The following AKAP10 variants were observed in gnomAD, a reference collection of about 807,000 sequenced individuals.
AKAP10 encodes the protein A-kinase anchor protein 10, mitochondrial.
AKAP10 carries 24 observed loss-of-function variants against 80.8 expected under a neutral mutation model. That is an observed-to-expected ratio of 0.30 (90% CI 0.22 to 0.42). AKAP10 has a LOEUF of 0.42. Ranked by LOEUF, AKAP10 falls within the 10% of genes least tolerant of loss-of-function variation. The probability of loss-of-function intolerance (pLI) is 1.00; values close to 1 mark genes in which losing one functional copy is unlikely to be tolerated. For synonymous variants in AKAP10, 291 were observed against 277.7 expected, an observed-to-expected ratio of 1.05 and a Z score of -0.48; for missense variants, 661 against 794.9, an observed-to-expected ratio of 0.83 and a Z score of 2.03.
chr17:19,973,298 G>A (rs1298749623), intron 1 of AKAP10, among the ~76,000 whole-genome samples: 1 of 152,174 alleles, frequency 6.6e-6, no homozygotes, highest in African/African-American at 2.4e-5. Flanking sequence ...AAGTTTTATC[G>A]TAGCACAGCC....
intron 7 of AKAP10, 70 bp downstream of exon 7, chr17:19,940,813 TAGAC>T: frequency 6.8e-7 from 1 of 1,470,726 alleles, no homozygotes; most frequent in East Asian, 2.4e-5. Flanking sequence ...TTATTTCCTA[TAGAC>T]AGGGCCCCAG....
intron 4 of AKAP10, among the ~76,000 whole-genome samples, chr17:19,954,680 A>G (rs1215712007): frequency 6.7e-6 from 1 of 148,726 alleles, no homozygotes; most frequent in African/African-American, 2.5e-5. Context: ...TTTTTAGTAG[A>G]GATGGGGTTT....
intron 10 of AKAP10, among the ~76,000 whole-genome samples, chr17:19,926,276 TAAAAA>T (rs754551841): frequency 7.5e-6 from 1 of 132,656 alleles, no homozygotes; most frequent in Admixed American, 7.7e-5. Context: ...TTTCATGATT[TAAAAA>T]AAAAAAAAAG....
At position 19,958,147 on chromosome 17, in the gene AKAP10, G is replaced by T; in HGVS notation, c.744C>A (p.Leu248=). ...LSQECDSAHS[L]RLEMARAGTH... ...TTCCTGCTCTGGCCATTTCAAGACG[G>T]AGAGAATGGGCACTGTCACATTCCT... The change falls in exon 4 of 15, where the codon CTC becomes CTA. Residue 248 remains leucine (L), a synonymous_variant. Coordinates refer to ENST00000225737, the MANE Select transcript of AKAP10 (RefSeq NM_007202.4). 6.2e-7 allele frequency: 1 copy of T among 1,614,126 alleles called. No individual in the cohort carries two copies.
rs533883761 is a variant in AKAP10 at position 19,946,989 on chromosome 17, G to A, written c.976+418C>T. Reference sequence around the variant, plus strand: ...TGCCCACTGGTCGTGAGACTCTTGGGCTGCAGCCCTGATGCCTAGAGACTT... The same window carrying A: ...TGCCCACTGGTCGTGAGACTCTTGGACTGCAGCCCTGATGCCTAGAGACTT... On this transcript the variant is annotated intron_variant, in intron 5 of 14. Transcript: ENST00000225737. Among the ~76,000 whole-genome samples, 10 of 152,290 alleles carry A rather than the reference G, an allele frequency of 6.6e-5. No homozygotes were observed. In the South Asian group the frequency reaches 1.9e-3, roughly 28 times the overall value.
chr17:19,931,146 A>G (rs555243486), intron 10 of AKAP10, among the ~76,000 whole-genome samples: 91 of 152,304 alleles, frequency 6.0e-4, no homozygotes, highest in African/African-American at 2.1e-3. Flanking sequence ...GAAAAGAAAA[A>G]AAAAGGAGAC....
At chr17:19,964,282 T>G (rs972590156) in intron 2 of AKAP10, among the ~76,000 whole-genome samples, 3 of 152,292 alleles carry the variant, frequency 2.0e-5, no homozygotes, top group Admixed American at 1.3e-4. Context: ...CGGTCCCTCT[T>G]AACATCTCTC....
chr17:19,910,086 G>A, intron 12 of AKAP10, 108 bp from the exon 13 acceptor site: 1 of 1,035,064 alleles, frequency 9.7e-7, no homozygotes, highest in African/African-American at 1.6e-5. Flanking sequence ...CCAGCACTTT[G>A]GGAGGCCGAG....
At chr17:19,949,834 T>A (rs185880437) in intron 4 of AKAP10, among the ~76,000 whole-genome samples, 2 of 152,132 alleles carry the variant, frequency 1.3e-5, no homozygotes, top group Admixed American at 1.3e-4. Flanking sequence ...CTTTTCTCTC[T>A]CTTTTTTAAC....
rs761876909 is a variant in AKAP10, at chr17:19,931,888, C to T, written c.1558G>A (p.Gly520Arg). Residue 520 changes from glycine to arginine, a missense_variant, in exon 10 of 15, where the codon GGG (glycine) becomes AGG (arginine). Coordinates refer to ENST00000225737, the MANE Select transcript of AKAP10 (RefSeq NM_007202.4). Reference sequence around the variant, plus strand: ...CCAGGAGCAGTCAGCGACACGTTCCCGCCCAGAAATTCATCTCCTCGAACC... The same window carrying T: ...CCAGGAGCAGTCAGCGACACGTTCCTGCCCAGAAATTCATCTCCTCGAACC... ...HSVRGDEFLG[G>R]NVSLTAPGSV... is the part of the protein sequence containing the mutation. 1.9e-6 allele frequency: 3 copies of T among 1,614,080 alleles called. No individual in the cohort carries two copies. Among genetic ancestry groups the T allele is most frequent in the East Asian group, 2.2e-5 (1 of 44,876 alleles).
intron 5 of AKAP10, among the ~76,000 whole-genome samples, chr17:19,946,714 G>T (rs916051718): frequency 5.2e-5 from 7 of 134,374 alleles, no homozygotes; most frequent in Admixed American, 8.1e-5. Context: ...GAAGAATAAA[G>T]TTACGTGAAA....
rs1199906497 is a variant in AKAP10 at position 19,904,618 on chromosome 17, T to G, written c.*1609A>C. 2 of 152,206 alleles carry G rather than the reference T, an allele frequency of 1.3e-5. No homozygotes were observed. Among genetic ancestry groups the G allele is most frequent in the African/African-American group, 4.8e-5 (2 of 41,448 alleles). The allele number at this position is 152,206 out of a possible 1,614,324, so 9.4% of individuals were successfully genotyped here. ...AGATGACTAATAAAAACCTTGGGTT[T>G]ATGCCATACACTTCAAACACAAGGC... On this transcript the variant is annotated 3_prime_UTR_variant, in exon 15 of 15. Coordinates refer to ENST00000225737, the MANE Select transcript of AKAP10 (RefSeq NM_007202.4).
chr17:19,928,837 T>G (rs1447566714), intron 10 of AKAP10, among the ~76,000 whole-genome samples: 2 of 152,102 alleles, frequency 1.3e-5, no homozygotes, highest in African/African-American at 4.8e-5. Context: ...GCCACTGCAC[T>G]CCAGCCTGGG....
At chr17:19,955,937 G>C (rs2043270441) in intron 4 of AKAP10, among the ~76,000 whole-genome samples, 1 of 152,120 alleles carries the variant, frequency 6.6e-6, no homozygotes. Flanking sequence ...TTTTAAAAAG[G>C]TGAGTTTGTG....
intron 1 of AKAP10, among the ~76,000 whole-genome samples, chr17:19,976,333 A>G (rs2043566148): frequency 1.3e-5 from 2 of 151,858 alleles, no homozygotes; most frequent in African/African-American, 4.8e-5. Flanking sequence ...AAATACAAAA[A>G]TTAGCCGGGC....
At position 19,956,371 on chromosome 17, in the gene AKAP10, C is replaced by CA. The variant is rs561433533; in HGVS notation, c.877+1642dup. On this transcript the variant is annotated intron_variant, in intron 4 of 14. Transcript: ENST00000225737. ...AATCACTAAAATCACAAGCCACCAA[C>CA]AGTCTGAATCCGAAGAAACAAAGAA... Among the ~76,000 whole-genome samples the CA allele has an allele frequency of 2.8e-4, 42 of 152,242 alleles. 2 individuals are homozygous for CA. The South Asian group carries it at 8.7e-3, about 32-fold the overall frequency.
intron 5 of AKAP10, chr17:19,947,182 T>C: frequency 2.0e-6 from 1 of 509,852 alleles, no homozygotes; most frequent in South Asian, 2.1e-5. Flanking sequence ...GAGCACCCGC[T>C]ACACTGCAGC....
At chr17:19,920,879 A>AAC (rs2042804648) in intron 11 of AKAP10, among the ~76,000 whole-genome samples, 1 of 147,758 alleles carries the variant, frequency 6.8e-6, no homozygotes, top group African/African-American at 2.6e-5. Flanking sequence ...AAAAAAAAAA[A>AAC]AAAAAAGCAA....
chr17:19,969,627 C>T (rs1004984987), intron 1 of AKAP10, among the ~76,000 whole-genome samples: 1 of 151,456 alleles, frequency 6.6e-6, no homozygotes, highest in African/African-American at 2.4e-5. Flanking sequence ...TATTTGTGCT[C>T]TTAAACATTG....
Sources: gnomAD v4.1 joint callset for allele counts (sites outside exome capture counted in the v4.1 genomes callset) on GRCh38, gnomAD v4.1.1 for gene constraint, MANE v1.5 for transcripts, NCBI Gene and HGNC (gene_info 2026-07-23, HGNC 2026-07-21) for gene names.